CACNA2D3: variants seen among roughly 807,000 people sequenced by gnomAD.
The protein encoded by CACNA2D3 is voltage-dependent calcium channel subunit alpha-2/delta-3.
In CACNA2D3, 60 loss-of-function variants were observed where a neutral mutation model predicts 160.6. The observed-to-expected ratio is 0.37, with a 90% CI of 0.30 to 0.46. CACNA2D3 has a LOEUF of 0.46. CACNA2D3 is among the 20% of genes least tolerant of loss of function. The probability of loss-of-function intolerance (pLI) is 1.00; values close to 1 mark genes in which losing one functional copy is unlikely to be tolerated. For missense variants in CACNA2D3, 1,205 were observed against 1,365.0 expected (o/e 0.88, Z 1.85); for synonymous variants, 558 against 492.9 (o/e 1.13, Z -1.75).
intron 14 of CACNA2D3, among the ~76,000 whole-genome samples, chr3:54,828,879 CTTTT>C (rs1559597664): frequency 6.6e-6 from 1 of 152,144 alleles, no homozygotes; most frequent in African/African-American, 2.4e-5. Context: ...AGCAAAATAT[CTTTT>C]TTGTAGCATT....
At chr3:54,978,403 A>C (rs1166388738) in intron 29 of CACNA2D3, among the ~76,000 whole-genome samples, 1 of 152,156 alleles carries the variant, frequency 6.6e-6, no homozygotes, top group Non-Finnish European at 1.5e-5. Flanking sequence ...CTGCCTAACT[A>C]TTGGGTCTCT....
intron 2 of CACNA2D3, among the ~76,000 whole-genome samples, chr3:54,206,032 G>C (rs945169672): frequency 6.6e-6 from 1 of 152,146 alleles, no homozygotes; most frequent in African/African-American, 2.4e-5. Context: ...GATTTGGCAA[G>C]CCTGTGTTAT....
At chr3:54,716,658 T>C (rs1701056394) in intron 11 of CACNA2D3, among the ~76,000 whole-genome samples, 1 of 152,174 alleles carries the variant, frequency 6.6e-6, no homozygotes, top group Non-Finnish European at 1.5e-5. Flanking sequence ...GTGGCCCCTG[T>C]CGAGACATGA....
intron 2 of CACNA2D3, among the ~76,000 whole-genome samples, chr3:54,253,608 G>A (rs1171185059): frequency 6.6e-6 from 1 of 152,134 alleles, no homozygotes; most frequent in Non-Finnish European, 1.5e-5. Flanking sequence ...CGTGAGATTT[G>A]GGTGGGACAC....
intron 2 of CACNA2D3, among the ~76,000 whole-genome samples, chr3:54,183,892 GAAAAAAAAAAAAAAAA>G (rs58956795): frequency 2.5e-5 from 2 of 80,754 alleles, no homozygotes; most frequent in South Asian, 5.8e-4. Context: ...TCTCAAAAAA[GAAAAAAAAAAAAAAAA>G]AAAAAAAAAA....
At chr3:54,917,166 C>T (rs892117889) in intron 27 of CACNA2D3, among the ~76,000 whole-genome samples, 26 of 152,180 alleles carry the variant, frequency 1.7e-4, no homozygotes, top group African/African-American at 6.3e-4. Flanking sequence ...TTACAAAATG[C>T]ATAAATCTGG....
intron 2 of CACNA2D3, among the ~76,000 whole-genome samples, chr3:54,242,805 A>G (rs915202018): frequency 1.7e-4 from 26 of 152,216 alleles, no homozygotes; most frequent in African/African-American, 5.8e-4. Context: ...AACCACAGAA[A>G]GCAAAACCGT....
At chr3:54,229,926 A>G (rs1331176910) in intron 2 of CACNA2D3, among the ~76,000 whole-genome samples, 1 of 152,154 alleles carries the variant, frequency 6.6e-6, no homozygotes, top group Non-Finnish European at 1.5e-5. Flanking sequence ...ATCTTGTTGT[A>G]ACTTCTTGTC....
At chr3:55,066,489 T>C (rs1175091552) in intron 35 of CACNA2D3, among the ~76,000 whole-genome samples, 2 of 152,180 alleles carry the variant, frequency 1.3e-5, no homozygotes, top group East Asian at 1.9e-4. Flanking sequence ...ATCTTATCCC[T>C]GCGTTCCTCC....
At chr3:54,400,404 A>T (rs1575434066) in intron 4 of CACNA2D3, among the ~76,000 whole-genome samples, 2 of 151,986 alleles carry the variant, frequency 1.3e-5, no homozygotes, top group Admixed American at 6.6e-5. Flanking sequence ...TTCCATGGAT[A>T]TTCTGAGCAC....
intron 13 of CACNA2D3, among the ~76,000 whole-genome samples, chr3:54,799,607 A>G (rs143691322): frequency 2.6e-5 from 4 of 152,106 alleles, no homozygotes; most frequent in Admixed American, 6.5e-5. Flanking sequence ...AGTTTTCACT[A>G]ATTTTCTTCT....
Position 54,931,824 on chromosome 3 carries a change from T to C in CACNA2D3, c.2449+31956T>C, listed in dbSNP as rs73065651. ...AATGATTATTAACCCTACAATAAAA[T>C]TGACAATGTCTTGAAATCCAGCATG... On this transcript the variant is annotated intron_variant, in intron 27 of 37. Coordinates refer to ENST00000474759, the MANE Select transcript of CACNA2D3 (RefSeq NM_018398.3). Among the ~76,000 whole-genome samples the C allele has an allele frequency of 4.3e-3, 660 of 152,312 alleles. 7 individuals carry two copies. The highest frequency in any genetic ancestry group is 5.4e-3 in the Non-Finnish European group (370 of 68,028).
chr3:54,191,012 G>A (rs924079340), intron 2 of CACNA2D3, among the ~76,000 whole-genome samples: 3 of 149,354 alleles, frequency 2.0e-5, no homozygotes, highest in Admixed American at 6.7e-5. Context: ...ATCATATATG[G>A]TGTTGAATTG....
intron 2 of CACNA2D3, among the ~76,000 whole-genome samples, chr3:54,128,129 TTTGA>T (rs1699633111): frequency 6.6e-6 from 1 of 152,120 alleles, no homozygotes. Flanking sequence ...TGGTTATAAT[TTTGA>T]TTGATTAGCA....
At chr3:54,287,567 C>T (rs1703066018) in intron 2 of CACNA2D3, among the ~76,000 whole-genome samples, 1 of 145,810 alleles carries the variant, frequency 6.9e-6, no homozygotes, top group South Asian at 2.3e-4. Flanking sequence ...AGCTCTGCAC[C>T]AAGCAGACCT....
intron 11 of CACNA2D3, among the ~76,000 whole-genome samples, chr3:54,742,869 ATG>A (rs1701682162): frequency 6.6e-6 from 1 of 152,196 alleles, no homozygotes; most frequent in Non-Finnish European, 1.5e-5. Flanking sequence ...GTCCCTGACT[ATG>A]AGGCTGTAAT....
intron 4 of CACNA2D3, among the ~76,000 whole-genome samples, chr3:54,458,326 C>T (rs1303570627): frequency 6.6e-6 from 1 of 152,060 alleles, no homozygotes. Flanking sequence ...TGTAGCACTC[C>T]TGTAAGCATT....
In CACNA2D3 at chr3:54,968,451, T is replaced by A. The variant is rs1702201544; in HGVS notation, c.2451T>A (p.Ala817=). The A allele has an allele frequency of 6.2e-7, 1 of 1,604,188 alleles. No individual in the cohort carries two copies. The highest frequency in any genetic ancestry group is 8.5e-7 in the Non-Finnish European group (1 of 1,173,326). The change falls in exon 28 of 38, where the codon GCT becomes GCA. Residue 817 remains alanine (A), a splice_region_variant and synonymous_variant. Transcript: ENST00000474759. ...LDERKSPVVA[A]VGIQMKLEFF... is the part of the protein sequence containing the mutation. ...TGTTTTATTTATAATTTGTCCCAGC[T>A]GTAGGCATTCAGATGAAACTTGAAT...
At chr3:54,901,886 CAA>C (rs560189283) in intron 27 of CACNA2D3, among the ~76,000 whole-genome samples, 7 of 152,164 alleles carry the variant, frequency 4.6e-5, no homozygotes, top group Non-Finnish European at 7.4e-5. Flanking sequence ...ACCCCCTCCC[CAA>C]GTTTTCCTGA....
Sources: allele counts gnomAD v4.1 joint callset (sites outside exome capture counted in the v4.1 genomes callset), GRCh38; gene constraint gnomAD v4.1.1; transcripts MANE v1.5; gene names NCBI Gene and HGNC (gene_info 2026-07-23, HGNC 2026-07-21).